PAPPA2: variants seen among roughly 807,000 people sequenced by gnomAD.
PAPPA2 encodes pappalysin-2.
In PAPPA2, 86 loss-of-function variants were observed where a neutral mutation model predicts 176.4. The ratio of observed to expected loss-of-function variants is 0.49; its 90% CI spans 0.41 to 0.58. The LOEUF (loss-of-function observed/expected upper bound fraction) is 0.58. Ranked by LOEUF, PAPPA2 falls within the 20% of genes least tolerant of loss-of-function variation. The pLI, the probability that PAPPA2 is intolerant of heterozygous loss-of-function variation, is 0.00. For missense variants in PAPPA2, 2,073 were observed against 2,256.9 expected, an observed-to-expected ratio of 0.92 and a Z score of 1.65; for synonymous variants, 809 against 852.2, an observed-to-expected ratio of 0.95 and a Z score of 0.88.
intron 1 of PAPPA2, among the ~76,000 whole-genome samples, chr1:176,492,614 G>A (rs1041703843): frequency 6.6e-6 from 1 of 152,202 alleles, no homozygotes; most frequent in African/African-American, 2.4e-5. Context: ...CCTTGGAGGA[G>A]TGTGAGTGTG....
At chr1:176,570,297 G>A (rs943188567) in intron 2 of PAPPA2, among the ~76,000 whole-genome samples, 1 of 152,144 alleles carries the variant, frequency 6.6e-6, no homozygotes, top group African/African-American at 2.4e-5. Flanking sequence ...TCTCTTTTGG[G>A]GGGGTGAAAT....
chr1:176,650,202 A>C (rs1279963535), intron 3 of PAPPA2, among the ~76,000 whole-genome samples: 3 of 151,506 alleles, frequency 2.0e-5, no homozygotes, highest in Admixed American at 6.6e-5. Flanking sequence ...AATCTGAAAT[A>C]AATGTAGCTA....
At chr1:176,482,806 C>G (rs1652465275) in intron 1 of PAPPA2, among the ~76,000 whole-genome samples, 1 of 152,166 alleles carries the variant, frequency 6.6e-6, no homozygotes, top group Admixed American at 6.5e-5. Flanking sequence ...ATTGGACCAA[C>G]TTGGGTTATG....
rs149418424 is a variant in PAPPA2, at chr1:176,676,809, G to A, written c.2137+5694G>A. On this transcript the variant is annotated intron_variant, in intron 4 of 22. Transcript: ENST00000367662. ...AGACATCTATGATCTCTATAAATAA[G>A]CAAGGTATTTTGCATATAGCAGGTG... is the stretch of plus-strand genomic sequence containing the variant. Among the ~76,000 whole-genome samples, 954 of 152,040 alleles carry A rather than the reference G, an allele frequency of 6.3e-3. 12 individuals carry two copies. The highest frequency in any genetic ancestry group is 0.022 in the African/African-American group (896 of 41,490).
chr1:176,499,703 G>A (rs946069814), intron 1 of PAPPA2, among the ~76,000 whole-genome samples: 3 of 152,060 alleles, frequency 2.0e-5, no homozygotes, highest in African/African-American at 7.2e-5. Context: ...AGGATTCTGA[G>A]GCCAGAAAAA....
chr1:176,780,401 G>T (rs1414923876), intron 17 of PAPPA2, among the ~76,000 whole-genome samples: 2 of 152,146 alleles, frequency 1.3e-5, no homozygotes, highest in African/African-American at 4.8e-5. Context: ...CTTCCCTCAG[G>T]CTCTTCCCCT....
chr1:176,727,083 T>C (rs1661913643), intron 12 of PAPPA2, among the ~76,000 whole-genome samples: 1 of 151,996 alleles, frequency 6.6e-6, no homozygotes, highest in South Asian at 2.1e-4. Flanking sequence ...CAAATAACTG[T>C]AGAGGAAAAG....
intron 14 of PAPPA2, among the ~76,000 whole-genome samples, chr1:176,757,930 G>C (rs1365908820): frequency 6.6e-6 from 1 of 152,112 alleles, no homozygotes; most frequent in Admixed American, 6.5e-5. Flanking sequence ...CCCAGCACTA[G>C]GACCCCCAAG....
intron 3 of PAPPA2, among the ~76,000 whole-genome samples, chr1:176,596,621 G>GTT (rs1558462124): frequency 6.6e-6 from 1 of 152,174 alleles, no homozygotes; most frequent in African/African-American, 2.4e-5. Flanking sequence ...GTGTTTGTCT[G>GTT]TTTTTCCCCT....
chr1:176,750,331 C>T (rs934047667), intron 14 of PAPPA2, among the ~76,000 whole-genome samples: 8 of 152,210 alleles, frequency 5.3e-5, no homozygotes, highest in South Asian at 4.1e-4. Context: ...ATTGTCCAGG[C>T]GCGGTGGCTC....
intron 9 of PAPPA2, 111 bp from the exon 10 acceptor site, chr1:176,706,248 A>G: frequency 2.2e-6 from 2 of 889,920 alleles, no homozygotes; most frequent in Non-Finnish European, 3.4e-6. Context: ...CTTTTTTCCA[A>G]CTTGCACTTT....
At chr1:176,808,661 GA>G (rs1445295700) in intron 21 of PAPPA2, among the ~76,000 whole-genome samples, 1 of 152,146 alleles carries the variant, frequency 6.6e-6, no homozygotes, top group Non-Finnish European at 1.5e-5. Flanking sequence ...AAGATTATCA[GA>G]AAACCTGAGT....
intron 2 of PAPPA2, among the ~76,000 whole-genome samples, chr1:176,574,942 T>C (rs1652561345): frequency 6.6e-6 from 1 of 152,234 alleles, no homozygotes; most frequent in African/African-American, 2.4e-5. Flanking sequence ...CTGTACCATA[T>C]AGCCTCGGTA....
intron 4 of PAPPA2, among the ~76,000 whole-genome samples, chr1:176,676,375 C>G (rs1455931149): frequency 2.0e-5 from 3 of 151,758 alleles, no homozygotes; most frequent in Non-Finnish European, 2.9e-5. Context: ...AAACTGTGTA[C>G]ATCGACACAA....
chr1:176,464,399 C>T (rs1651519155), intron 1 of PAPPA2, among the ~76,000 whole-genome samples: 1 of 152,122 alleles, frequency 6.6e-6, no homozygotes, highest in South Asian at 2.1e-4. Context: ...CAATGTATGG[C>T]CCACTTCATG....
chr1:176,501,631 GGTTAT>G (rs938732643), intron 1 of PAPPA2, among the ~76,000 whole-genome samples: 2 of 152,178 alleles, frequency 1.3e-5, no homozygotes, highest in African/African-American at 4.8e-5. Context: ...CCTTTCTCAA[GGTTAT>G]GTCAGTGCAA....
chr1:176,539,554 G>A (rs535172307), intron 1 of PAPPA2, among the ~76,000 whole-genome samples: 1 of 152,168 alleles, frequency 6.6e-6, no homozygotes, highest in Non-Finnish European at 1.5e-5. Context: ...TGGGGTGGAG[G>A]GAAGACCTCT....
At position 176,740,185 on chromosome 1, in the gene PAPPA2, T is replaced by G; in HGVS notation, c.4140T>G (p.His1380Gln). ...TCTCAGAGGACGAGGGGCAGAATCA[T>G]CAGGGACAGAGGTACAAACTTCCCT... is the stretch of plus-strand genomic sequence containing the variant. ...NCISEDEGQNHQGQSCIHRPC... is the reference protein window; with the variant it reads ...NCISEDEGQNQQGQSCIHRPC... Residue 1380 changes from histidine (H) to glutamine (Q), a missense_variant, in exon 14 of 23, where the codon CAT becomes CAG. Transcript: ENST00000367662. 1 of 1,613,648 alleles carries G rather than the reference T, an allele frequency of 6.2e-7. No individual in the cohort carries two copies. Among genetic ancestry groups the G allele is most frequent in the Non-Finnish European group, 8.5e-7 (1 of 1,179,722 alleles).
chr1:176,765,195 G>A (rs1328774911), intron 14 of PAPPA2, among the ~76,000 whole-genome samples: 1 of 152,196 alleles, frequency 6.6e-6, no homozygotes, highest in East Asian at 1.9e-4. Context: ...AGGCCCTTCA[G>A]ACATGGCCTT....
Sources: allele counts gnomAD v4.1 joint callset (sites outside exome capture counted in the v4.1 genomes callset), GRCh38; gene constraint gnomAD v4.1.1; transcripts MANE v1.5; gene names NCBI Gene and HGNC (gene_info 2026-07-23, HGNC 2026-07-21).